Variants in FILIP1L observed in about 807,000 individuals in gnomAD.
FILIP1L encodes filamin A interacting protein 1 like.
Under a neutral mutation model 96.6 loss-of-function variants are expected in FILIP1L, and 55 were observed. The observed-to-expected ratio is 0.57, with a 90% CI of 0.46 to 0.71. The LOEUF is 0.71. Ranked by LOEUF, FILIP1L falls within the 30% of genes least tolerant of loss-of-function variation. FILIP1L has a pLI of 0.00. For missense variants in FILIP1L, 1,304 were observed against 1,321.2 expected, an observed-to-expected ratio of 0.99 and a Z score of 0.20; for synonymous variants, 467 against 473.9, an observed-to-expected ratio of 0.99 and a Z score of 0.19.
At chr3:100,023,341 G>C (rs2064859590) in intron 1 of FILIP1L, 1 of 152,636 alleles carries the variant, frequency 6.6e-6, no homozygotes, top group African/African-American at 2.4e-5. Context: ...AAGAGACAGT[G>C]TGTCTGAAAG....
At chr3:99,926,939 G>A (rs1707310780) in intron 3 of FILIP1L, among the ~76,000 whole-genome samples, 1 of 152,104 alleles carries the variant, frequency 6.6e-6, no homozygotes, top group Non-Finnish European at 1.5e-5. Flanking sequence ...CTTGCAGTCT[G>A]TCCTCATCAC....
intron 1 of FILIP1L, among the ~76,000 whole-genome samples, chr3:100,063,911 C>A (rs576620972): frequency 6.6e-6 from 1 of 152,274 alleles, no homozygotes; most frequent in African/African-American, 2.4e-5. Context: ...GTTAAAATCT[C>A]TCCACATGTT....
intron 1 of FILIP1L, among the ~76,000 whole-genome samples, chr3:100,056,901 G>A (rs979493700): frequency 6.6e-6 from 1 of 152,172 alleles, no homozygotes; most frequent in Non-Finnish European, 1.5e-5. Context: ...CTACTCGGGA[G>A]GCTGAGGCAG....
intron 4 of FILIP1L, among the ~76,000 whole-genome samples, chr3:99,886,705 G>A (rs926417330): frequency 1.3e-5 from 2 of 152,146 alleles, no homozygotes; most frequent in African/African-American, 4.8e-5. Flanking sequence ...TGTAATCCCA[G>A]CACTTTGGGA....
chr3:99,864,110 T>A (rs1944394529), intron 4 of FILIP1L, among the ~76,000 whole-genome samples: 1 of 152,258 alleles, frequency 6.6e-6, no homozygotes, highest in Non-Finnish European at 1.5e-5. Context: ...TTTTGCTGTT[T>A]TGAAATTATT....
chr3:99,931,644 G>T (rs1675044916), intron 1 of FILIP1L, among the ~76,000 whole-genome samples: 2 of 152,148 alleles, frequency 1.3e-5, no homozygotes, highest in Admixed American at 6.6e-5. Context: ...CTGTATTCCT[G>T]ACATTCTTCT....
intron 1 of FILIP1L, chr3:100,010,082 G>A: frequency 1.8e-6 from 1 of 555,502 alleles, no homozygotes; most frequent in Non-Finnish European, 2.3e-6. Context: ...TGAGGGTTGA[G>A]TACCATACCA....
chr3:99,940,620 C>A (rs1220200828), intron 1 of FILIP1L, among the ~76,000 whole-genome samples: 1 of 152,162 alleles, frequency 6.6e-6, no homozygotes, highest in Non-Finnish European at 1.5e-5. Context: ...TGTTCATAGG[C>A]CAACCCCTGT....
Position 100,073,571 on chromosome 3 carries a change from AAG to A in FILIP1L, c.-11+40480_-11+40481del, listed in dbSNP as rs144992821. Among the ~76,000 whole-genome samples the A allele has an allele frequency of 1.8e-4, 27 of 152,280 alleles. No individual in the cohort carries two copies. The East Asian group carries it at 5.2e-3, about 29-fold the overall frequency. Reference sequence around the variant, plus strand: ...AATAAGGAACTTGGGTCCAGGATGCAAGAGAGGGAATTCTATGAGTAAATATC... The same window carrying A: ...AATAAGGAACTTGGGTCCAGGATGCAAGAGGGAATTCTATGAGTAAATATC... On this transcript the variant is annotated intron_variant, in intron 1 of 5. Coordinates refer to ENST00000477258, the MANE Select transcript of FILIP1L (RefSeq NM_001387850.1).
In FILIP1L at chr3:99,829,093, TC is replaced by T. The variant is rs1308993520; in HGVS notation, c.*1320del. On this transcript the variant is annotated 3_prime_UTR_variant, in exon 6 of 6. Coordinates refer to ENST00000477258, the MANE Select transcript of FILIP1L (RefSeq NM_001387850.1). ...TTAGATAAGTATGGGGAATGGGAGTTCCTTTACTCTTGCTCTGCTGGCTCCA... is the reference window on the plus strand; with the variant it reads ...TTAGATAAGTATGGGGAATGGGAGTTCTTTACTCTTGCTCTGCTGGCTCCA... Among the ~76,000 whole-genome samples, 1 of 152,102 alleles carries T rather than the reference TC, an allele frequency of 6.6e-6. No homozygotes were observed. The highest frequency in any genetic ancestry group is 6.5e-5 in the Admixed American group (1 of 15,270).
intron 1 of FILIP1L, among the ~76,000 whole-genome samples, chr3:99,998,295 T>A (rs1709740097): frequency 6.6e-6 from 1 of 152,224 alleles, no homozygotes; most frequent in Admixed American, 6.5e-5. Context: ...AAAATGTCTT[T>A]CTTGGAATGT....
intron 1 of FILIP1L, among the ~76,000 whole-genome samples, chr3:100,091,247 T>A (rs942775036): frequency 1.4e-5 from 2 of 143,346 alleles, no homozygotes; most frequent in Non-Finnish European, 3.0e-5. Flanking sequence ...ATTGCGCCAC[T>A]GCACTCCAGA....
At chr3:99,865,855 A>G (rs530067693) in intron 4 of FILIP1L, among the ~76,000 whole-genome samples, 67 of 152,088 alleles carry the variant, frequency 4.4e-4, no homozygotes, top group African/African-American at 1.5e-3. Context: ...TTATATTTCA[A>G]TGATCCTTTT....
At chr3:99,872,224 T>C (rs757293307) in intron 4 of FILIP1L, among the ~76,000 whole-genome samples, 17 of 150,954 alleles carry the variant, frequency 1.1e-4, no homozygotes, top group Non-Finnish European at 2.1e-4. Flanking sequence ...ATGACCTCCA[T>C]TGCCCCTTCC....
At chr3:100,058,753 A>T (rs1352151237) in intron 1 of FILIP1L, among the ~76,000 whole-genome samples, 1 of 152,238 alleles carries the variant, frequency 6.6e-6, no homozygotes, top group Non-Finnish European at 1.5e-5. Context: ...CAGTAGAAGG[A>T]GGACGCTGTA....
intron 1 of FILIP1L, among the ~76,000 whole-genome samples, chr3:100,014,037 T>G (rs1436603221): frequency 6.6e-6 from 1 of 152,046 alleles, no homozygotes; most frequent in African/African-American, 2.4e-5. Context: ...GAATTTGATT[T>G]TTTAAGATTC....
intron 4 of FILIP1L, among the ~76,000 whole-genome samples, chr3:99,910,446 A>G (rs1706752975): frequency 7.3e-6 from 1 of 136,078 alleles, no homozygotes; most frequent in Non-Finnish European, 1.7e-5. Flanking sequence ...TTCTTTAATA[A>G]ATCTTCCTAT....
At chr3:100,103,038 G>A (rs1456567097) in intron 1 of FILIP1L, among the ~76,000 whole-genome samples, 4 of 152,224 alleles carry the variant, frequency 2.6e-5, no homozygotes, top group Non-Finnish European at 5.9e-5. Flanking sequence ...AGGCTTGGGA[G>A]ACTAAGTGCT....
intron 1 of FILIP1L, among the ~76,000 whole-genome samples, chr3:99,976,841 G>A (rs1312067577): frequency 6.6e-6 from 1 of 151,944 alleles, no homozygotes; most frequent in South Asian, 2.1e-4. Context: ...TATTTCTTCT[G>A]TTCTTTCCTC....
Sources: allele counts gnomAD v4.1 joint callset (sites outside exome capture counted in the v4.1 genomes callset), GRCh38; gene constraint gnomAD v4.1.1; transcripts MANE v1.5; gene names NCBI Gene and HGNC (gene_info 2026-07-23, HGNC 2026-07-21).